The following OR1J2 variants were observed in gnomAD, a reference collection of about 807,000 sequenced individuals.
OR1J2 encodes the protein olfactory receptor 1J2.
For synonymous variants in OR1J2, 142 were observed against 99.7 expected (o/e 1.42, Z -2.52); for missense variants, 304 against 246.1 (o/e 1.24, Z -1.57).
chr9:122,543,132 A>T, the OR1J2 span, among the ~76,000 whole-genome samples: 1 of 152,200 alleles, frequency 6.6e-6, no homozygotes. Flanking sequence ...TATTGTAAAA[A>T]AATTCATTTT....
the OR1J2 span, among the ~76,000 whole-genome samples, chr9:122,461,727 G>T: frequency 6.6e-6 from 1 of 152,120 alleles, no homozygotes; most frequent in African/African-American, 2.4e-5. Context: ...GCATGGTTTT[G>T]AGGATTTCTT....
the OR1J2 span, among the ~76,000 whole-genome samples, chr9:122,550,695 C>T: frequency 3.3e-5 from 5 of 151,942 alleles, 1 homozygote; most frequent in African/African-American, 1.2e-4. Context: ...GATAAAATTC[C>T]ATATCCCTTC....
At chr9:122,536,536 G>A in the OR1J2 span, among the ~76,000 whole-genome samples, 8 of 152,206 alleles carry the variant, frequency 5.3e-5, no homozygotes, top group Admixed American at 1.3e-4. Context: ...ACTGCCCTCA[G>A]CTTGACCAAA....
At chr9:122,530,342 C>G in the OR1J2 span, among the ~76,000 whole-genome samples, 1 of 152,152 alleles carries the variant, frequency 6.6e-6, no homozygotes, top group African/African-American at 2.4e-5. Flanking sequence ...AATCCTGAAC[C>G]AATAAACTCA....
At chr9:122,568,181 C>T in the OR1J2 span, 3 of 1,614,176 alleles carry the variant, frequency 1.9e-6, no homozygotes, top group South Asian at 3.3e-5. Context: ...ACATCTGTGT[C>T]AGACACCCAG....
chr9:122,481,137 A>G, the OR1J2 span, among the ~76,000 whole-genome samples: 2 of 152,000 alleles, frequency 1.3e-5, no homozygotes, highest in Non-Finnish European at 2.9e-5. Flanking sequence ...ATTCCCCTCT[A>G]TGTGTCCATG....
the OR1J2 span, chr9:122,477,886 A>G: frequency 1.2e-6 from 2 of 1,611,724 alleles, no homozygotes; most frequent in Non-Finnish European, 1.7e-6. Flanking sequence ...GAGGCCCAGG[A>G]GGAGGAACTC....
At chr9:122,545,047 C>T in the OR1J2 span, among the ~76,000 whole-genome samples, 725 of 152,138 alleles carry the variant, frequency 4.8e-3, 4 homozygotes, top group Non-Finnish European at 6.7e-3. Context: ...TAATATAATT[C>T]ATCTCAAAAT....
the OR1J2 span, chr9:122,554,217 C>T: frequency 2.9e-5 from 39 of 1,356,962 alleles, no homozygotes; most frequent in Non-Finnish European, 4.0e-5. Flanking sequence ...TGTCTTCCAT[C>T]ACTTCAGTAA....
chr9:122,546,862 A>T, the OR1J2 span, among the ~76,000 whole-genome samples: 1 of 152,314 alleles, frequency 6.6e-6, no homozygotes, highest in East Asian at 1.9e-4. Context: ...TTCGGGGGGT[A>T]CATAGTGATG....
the OR1J2 span, among the ~76,000 whole-genome samples, chr9:122,566,375 C>T: frequency 6.6e-6 from 1 of 152,268 alleles, no homozygotes; most frequent in African/African-American, 2.4e-5. Flanking sequence ...AATATTCTCC[C>T]TCCATGTTTC....
In OR1J2 at chr9:122,511,561, T is replaced by A. The variant is rs1165798980; in HGVS notation, c.760T>A (p.Ser254Thr). ...HLSVVSLYYGSIFGQYLFPTV... is the reference protein window; with the variant it reads ...HLSVVSLYYGTIFGQYLFPTV... ...CTCTGTGGTGTCTCTCTATTATGGG[T>A]CAATATTTGGCCAGTACCTTTTCCC... The change falls in exon 1 of 1, where the codon TCA becomes ACA. Residue 254 changes from serine (S) to threonine (T), a missense_variant. By Grantham distance (58) the Ser-to-Thr change is moderately conservative. Transcript: ENST00000335302. 1 of 780,904 alleles carries A rather than the reference T, an allele frequency of 1.3e-6. No homozygotes were observed. The highest frequency in any genetic ancestry group is 1.7e-5 in the Admixed American group (1 of 59,020). The allele number at this position is 780,904 out of a possible 1,614,324, so 48.4% of individuals were successfully genotyped here. A position where few individuals can be genotyped will look rare whatever the true frequency, so the allele number is the denominator to read the frequency against.
the OR1J2 span, among the ~76,000 whole-genome samples, chr9:122,502,653 C>T: frequency 2.0e-5 from 3 of 151,424 alleles, no homozygotes; most frequent in Non-Finnish European, 4.4e-5. Context: ...TAAGTAGGGT[C>T]AAGTAACCTG....
At chr9:122,484,530 A>G in the OR1J2 span, among the ~76,000 whole-genome samples, 1 of 152,152 alleles carries the variant, frequency 6.6e-6, no homozygotes, top group Non-Finnish European at 1.5e-5. Context: ...AGATTATCCT[A>G]TTGGCCTATG....
At chr9:122,464,665 T>C in the OR1J2 span, among the ~76,000 whole-genome samples, 6 of 152,330 alleles carry the variant, frequency 3.9e-5, no homozygotes, top group South Asian at 6.2e-4. Flanking sequence ...TGGTGACTCT[T>C]GGAACTGGGT....
the OR1J2 span, among the ~76,000 whole-genome samples, chr9:122,525,984 C>G: frequency 6.6e-6 from 1 of 152,160 alleles, no homozygotes; most frequent in Non-Finnish European, 1.5e-5. Context: ...CTAGCACTTA[C>G]AATAACTTCC....
the OR1J2 span, among the ~76,000 whole-genome samples, chr9:122,454,253 C>T: frequency 6.6e-6 from 1 of 152,206 alleles, no homozygotes; most frequent in African/African-American, 2.4e-5. Context: ...TGCAGTGGCT[C>T]ACGCCTGTAA....
chr9:122,544,388 CAT>C, the OR1J2 span, among the ~76,000 whole-genome samples: 59 of 142,952 alleles, frequency 4.1e-4, no homozygotes, highest in Non-Finnish European at 6.0e-4. Flanking sequence ...TGTTAGTAAA[CAT>C]ATTTTTCAAA....
chr9:122,552,582 G>A, the OR1J2 span, among the ~76,000 whole-genome samples: 9 of 152,034 alleles, frequency 5.9e-5, no homozygotes, highest in Admixed American at 2.0e-4. Flanking sequence ...GGGGGAGTAC[G>A]ACACCAGACA....
Sources: allele counts gnomAD v4.1 joint callset (sites outside exome capture counted in the v4.1 genomes callset), GRCh38; gene constraint gnomAD v4.1.1; transcripts MANE v1.5; gene names NCBI Gene and HGNC (gene_info 2026-07-23, HGNC 2026-07-21).